The following CHD5 variants were observed in gnomAD, a reference collection of about 807,000 sequenced individuals.
The protein encoded by CHD5 is chromodomain helicase DNA binding protein 5.
In CHD5, 69 loss-of-function variants were observed where a neutral mutation model predicts 230.3. That is an observed-to-expected ratio of 0.30 (90% CI 0.25 to 0.37). The LOEUF (loss-of-function observed/expected upper bound fraction) is 0.37. CHD5 is among the 10% of genes least tolerant of loss of function. The probability of loss-of-function intolerance (pLI) is 1.00; values close to 1 mark genes in which losing one functional copy is unlikely to be tolerated. For missense variants in CHD5, 1,827 were observed against 2,622.8 expected (o/e 0.70, Z 6.63); for synonymous variants, 1,064 against 1,065.9 (o/e 1.00, Z 0.03).
In CHD5 at chr1:6,125,231, C is replaced by A; in HGVS notation, c.4263G>T (p.Val1421=). 2 of 1,601,606 alleles carry A rather than the reference C, an allele frequency of 1.2e-6. No individual in the cohort carries two copies. Among genetic ancestry groups the A allele is most frequent in the Non-Finnish European group, 1.7e-6 (2 of 1,178,460 alleles). ...LLARVGGNIE[V]LGFNARQRKA... ...TCCGCTGTCGGGCATTGAAGCCCAG[C>A]ACCTGGGCGAGTGGAGCGTGGGAGT... The change falls in exon 29 of 42, where the codon GTG becomes GTT. Residue 1421 remains valine, a splice_region_variant and synonymous_variant. Coordinates refer to ENST00000262450, the MANE Select transcript of CHD5 (RefSeq NM_015557.3). This position sits in a 1 kb window ranked among gnomAD's most constrained non-coding sequence, Gnocchi z 6.7.
chr1:6,133,100 GTC>G (rs1666684264), intron 20 of CHD5, among the ~76,000 whole-genome samples: 1 of 152,168 alleles, frequency 6.6e-6, no homozygotes, highest in South Asian at 2.1e-4. Flanking sequence ...TTTGGGGGAT[GTC>G]TCAGCATTCA....
At chr1:6,123,175 G>C (rs1229324930) in intron 31 of CHD5, among the ~76,000 whole-genome samples, 1 of 152,150 alleles carries the variant, frequency 6.6e-6, no homozygotes, top group Non-Finnish European at 1.5e-5. Flanking sequence ...GATGAACCTG[G>C]AACCCCCAGG....
At chr1:6,169,877 C>T (rs1459279247) in intron 1 of CHD5, among the ~76,000 whole-genome samples, 1 of 152,092 alleles carries the variant, frequency 6.6e-6, no homozygotes, top group African/African-American at 2.4e-5. Flanking sequence ...CCCTCAGCCT[C>T]AGACCCTCTG....
intron 2 of CHD5, 30 bp downstream of exon 2, chr1:6,168,120 A>C (rs58385986): frequency 0.059 from 93,003 of 1,579,500 alleles, 4,356 homozygotes; most frequent in East Asian, 0.19. Flanking sequence ...CACCCGCCCC[A>C]AGCTCGCCGG....
At position 6,151,129 on chromosome 1, in the gene CHD5, C is replaced by T. The variant is rs138530067; in HGVS notation, c.897G>A (p.Ser299=). 5.7e-5 allele frequency: 91 copies of T among 1,608,448 alleles called. No individual in the cohort carries two copies. The South Asian group carries it at 7.3e-4, about 13-fold the overall frequency. Residue 299 remains serine (S), a synonymous_variant, in exon 7 of 42, where the codon TCG becomes TCA. Coordinates refer to ENST00000262450, the MANE Select transcript of CHD5 (RefSeq NM_015557.3). ...SSSEEDEREE[S]DFDSASIHSA... ...TGTGGATGCTGGCGCTGTCGAAGTC[C>T]GACTCCTCCCTCTCATCTTCTTCAC...
intron 15 of CHD5, 45 bp from the exon 16 acceptor site, chr1:6,136,910 G>A (rs1377821123): frequency 1.3e-6 from 2 of 1,555,724 alleles, no homozygotes; most frequent in East Asian, 2.3e-5. Context: ...TGGGAGCAGA[G>A]CGGATCACAG....
At chr1:6,174,607 G>A (rs1007977866) in intron 1 of CHD5, among the ~76,000 whole-genome samples, 2 of 150,442 alleles carry the variant, frequency 1.3e-5, no homozygotes, top group African/African-American at 4.9e-5. Flanking sequence ...TGGGTGGATG[G>A]ACGAATGGAT....
chr1:6,146,875 T>G lies in CHD5; in HGVS notation c.1384-4A>C. On this transcript the variant is annotated splice_region_variant and splice_polypyrimidine_tract_variant and intron_variant, in intron 9 of 41. Coordinates refer to ENST00000262450, the MANE Select transcript of CHD5 (RefSeq NM_015557.3). The surrounding 1 kb of genome is among the most constrained non-coding windows in gnomAD (Gnocchi z 5.1). Reference sequence around the variant, plus strand: ...CTTTGCCCTTCAGTGGGGGGCACTGTGGACAGAGAAGGGTCCCCAAGGTGG... The same window carrying G: ...CTTTGCCCTTCAGTGGGGGGCACTGGGGACAGAGAAGGGTCCCCAAGGTGG... 1 of 1,494,318 alleles carries G rather than the reference T, an allele frequency of 6.7e-7. No homozygotes were observed. 92.6% of individuals were successfully genotyped at this position (1,494,318 alleles called of 1,614,324 possible). A position where few individuals can be genotyped will look rare whatever the true frequency, so the allele number is the denominator to read the frequency against.
rs1267273920 is a variant in CHD5 at position 6,154,046 on chromosome 1, C to T, written c.745+614G>A. 3.9e-5 allele frequency among the ~76,000 whole-genome samples: 6 copies of T among 152,094 alleles called. No individual in the cohort carries two copies. Among genetic ancestry groups the T allele is most frequent in the African/African-American group, 1.4e-4 (6 of 41,400 alleles). ...TGCCACTGAGGCAGAATTTGGATCTCGATCTCCTTCCAGGCCTGTCCCAGA... is the reference window on the plus strand; with the variant it reads ...TGCCACTGAGGCAGAATTTGGATCTTGATCTCCTTCCAGGCCTGTCCCAGA... On this transcript the variant is annotated intron_variant, in intron 5 of 41. Coordinates refer to ENST00000262450, the MANE Select transcript of CHD5 (RefSeq NM_015557.3). The surrounding 1 kb of genome is among the most constrained non-coding windows in gnomAD (Gnocchi z 7.0).
In CHD5 at chr1:6,105,704, C is replaced by T. The variant is rs533172343; in HGVS notation, c.*47-277G>A. 1.3e-5 allele frequency among the ~76,000 whole-genome samples: 2 copies of T among 152,328 alleles called. No individual in the cohort carries two copies. The highest frequency in any genetic ancestry group is 3.9e-4 in the East Asian group (2 of 5,178). ...GACACGGTTCCCACAGGGACAGACA[C>T]AGCGTAGTGGAGGCTGGTGGCCCCA... On this transcript the variant is annotated intron_variant, in intron 41 of 41. Transcript: ENST00000262450. The surrounding 1 kb of genome is among the most constrained non-coding windows in gnomAD (Gnocchi z 4.8).
chr1:6,149,488 C>CG, intron 7 of CHD5, 76 bp from the exon 8 acceptor site: 1 of 1,444,364 alleles, frequency 6.9e-7, no homozygotes, highest in Non-Finnish European at 9.4e-7. Context: ...CGCCCCAGGC[C>CG]AGACAGGCAC....
intron 2 of CHD5, 131 bp downstream of exon 2, chr1:6,168,019 T>C (rs1177822457): frequency 8.7e-7 from 1 of 1,150,140 alleles, no homozygotes; most frequent in Non-Finnish European, 1.2e-6. Context: ...TTATGGTGTT[T>C]TTCATCAAAC....
chr1:6,115,250 C>CAA (rs34290371), intron 33 of CHD5, among the ~76,000 whole-genome samples: 37 of 125,108 alleles, frequency 3.0e-4, no homozygotes, highest in East Asian at 8.4e-4. Flanking sequence ...GACTCTGTCT[C>CAA]AAAAAAAAAA....
chr1:6,110,080 C>T, intron 37 of CHD5, 90 bp from the exon 38 acceptor site: 1 of 1,231,642 alleles, frequency 8.1e-7, no homozygotes, highest in Non-Finnish European at 1.1e-6. Context: ...CCAAGGCTCC[C>T]GGCAGAAAGG....
intron 11 of CHD5, among the ~76,000 whole-genome samples, chr1:6,145,451 C>T (rs1168598363): frequency 6.6e-6 from 1 of 152,242 alleles, no homozygotes; most frequent in Non-Finnish European, 1.5e-5. Context: ...ACTCTGGGCC[C>T]CACCCCAAGG....
intron 15 of CHD5, among the ~76,000 whole-genome samples, chr1:6,140,035 G>A (rs1216725549): frequency 6.6e-6 from 1 of 152,216 alleles, no homozygotes; most frequent in Non-Finnish European, 1.5e-5. Flanking sequence ...CAGCCCCCAA[G>A]GCTGTAGCAC....
At chr1:6,120,837 A>C (rs1057056581) in intron 33 of CHD5, among the ~76,000 whole-genome samples, 1 of 152,014 alleles carries the variant, frequency 6.6e-6, no homozygotes, top group African/African-American at 2.4e-5. Context: ...CGGGAGGCGG[A>C]TGTTGCAGTG....
At chr1:6,178,102 G>A (rs1225263967) in intron 1 of CHD5, among the ~76,000 whole-genome samples, 1 of 152,168 alleles carries the variant, frequency 6.6e-6, no homozygotes, top group Admixed American at 6.5e-5. Flanking sequence ...TGATGGATGG[G>A]GACAGAATCC....
intron 1 of CHD5, 144 bp downstream of exon 1, chr1:6,179,801 G>A (rs183394158): frequency 0.058 from 12,270 of 211,608 alleles, 473 homozygotes; most frequent in East Asian, 0.16. Flanking sequence ...CAGCAGGGCG[G>A]GAGCGCAGCC....
Sources: allele counts gnomAD v4.1 joint callset (sites outside exome capture counted in the v4.1 genomes callset), GRCh38; gene constraint gnomAD v4.1.1; non-coding constraint Gnocchi (gnomAD v3.1); transcripts MANE v1.5; gene names NCBI Gene and HGNC (gene_info 2026-07-23, HGNC 2026-07-21).